TF: variants seen among roughly 807,000 people sequenced by gnomAD.
TF encodes transferrin.
Under a neutral mutation model 82.4 loss-of-function variants are expected in TF, and 55 were observed. The observed-to-expected ratio is 0.67, with a 90% CI of 0.54 to 0.84. TF has a LOEUF of 0.84. TF is among the 40% of genes least tolerant of loss of function. The probability of loss-of-function intolerance (pLI) is 0.00; values close to 1 mark genes in which losing one functional copy is unlikely to be tolerated. For missense variants in TF, 737 were observed against 868.4 expected (o/e 0.85, Z 1.90); for synonymous variants, 332 against 332.6 (o/e 1.00, Z 0.02).
chr3:133,698,081 G>A, the TF span, among the ~76,000 whole-genome samples: 1 of 152,214 alleles, frequency 6.6e-6, no homozygotes, highest in African/African-American at 2.4e-5. Context: ...CCAGCTGGAG[G>A]CCTCTAAACA....
the TF span, chr3:133,699,928 C>T: frequency 2.2e-5 from 4 of 181,902 alleles, no homozygotes; most frequent in Non-Finnish European, 1.1e-5. Context: ...GTTCACATGA[C>T]CCTCTTCCTC....
intron 6 of TF, 128 bp from the exon 7 acceptor site, chr3:133,756,703 T>G: frequency 8.5e-7 from 1 of 1,182,872 alleles, no homozygotes; most frequent in Admixed American, 1.7e-5. Context: ...CTCCCGCATG[T>G]TCTCTGGCCT....
chr3:133,676,327 T>C, the TF span, among the ~76,000 whole-genome samples: 2 of 152,224 alleles, frequency 1.3e-5, no homozygotes, highest in African/African-American at 4.8e-5. Context: ...TAGGCACAGG[T>C]GAGTTACACC....
Position 133,775,628 on chromosome 3 carries a change from G to A in TF, c.1872+11G>A. 6.2e-7 allele frequency: 1 copy of A among 1,613,534 alleles called. No individual in the cohort carries two copies. Among genetic ancestry groups the A allele is most frequent in the Non-Finnish European group, 8.5e-7 (1 of 1,179,912 alleles). ...TTACGTCAACAGCAGGTATGGACCA[G>A]CCAGGTCCTCCCACCTTTTCTTCCT... On this transcript the variant is annotated intron_variant, in intron 15 of 16. Coordinates refer to ENST00000402696, the MANE Select transcript of TF (RefSeq NM_001063.4).
intron 9 of TF, among the ~76,000 whole-genome samples, chr3:133,762,751 G>A (rs1934027853): frequency 6.6e-6 from 1 of 152,118 alleles, no homozygotes; most frequent in African/African-American, 2.4e-5. Flanking sequence ...TCCTGAAACT[G>A]GTCTGGTGAC....
chr3:133,746,069 C>T (rs8177316), upstream of TF: 3 of 411,396 alleles, frequency 7.3e-6, no homozygotes, highest in Non-Finnish European at 1.4e-5. Context: ...GTGGCACGGA[C>T]CAGCTCTGCA....
At chr3:133,705,658 T>C in the TF span, among the ~76,000 whole-genome samples, 3 of 152,216 alleles carry the variant, frequency 2.0e-5, no homozygotes, top group South Asian at 6.2e-4. Context: ...CTATTGAGAT[T>C]GAGAAGCTCC....
At chr3:133,740,306 G>A in the TF span, among the ~76,000 whole-genome samples, 15 of 152,112 alleles carry the variant, frequency 9.9e-5, no homozygotes, top group Non-Finnish European at 2.2e-4. Flanking sequence ...ACACAGGGAG[G>A]GGAACATCAC....
At chr3:133,755,987 C>T (rs1195473976) in intron 5 of TF, among the ~76,000 whole-genome samples, 1 of 152,182 alleles carries the variant, frequency 6.6e-6, no homozygotes, top group Admixed American at 6.5e-5. Flanking sequence ...CATTTTCACC[C>T]TCAGGAGACA....
At chr3:133,736,631 C>CAAAAAAGAAAAAAAGAAAAAAAAA in the TF span, among the ~76,000 whole-genome samples, 1 of 32,552 alleles carries the variant, frequency 3.1e-5, no homozygotes, top group Non-Finnish European at 5.4e-5. Context: ...AATGGAAAGC[C>CAAAAAAGAAAAAAAGAAAAAAAAA]AAAAAAAAAA....
At chr3:133,770,769 T>A (rs1470472258) in intron 14 of TF, 197 bp downstream of exon 14, 2 of 652,002 alleles carry the variant, frequency 3.1e-6, no homozygotes, top group Non-Finnish European at 5.4e-6. Context: ...GGGCCCCCAA[T>A]GGCCCTAAAT....
rs1430275657 is a variant in TF, at chr3:133,779,883, C to G, written c.*1263C>G. The G allele has an allele frequency of 1.3e-5, 2 of 151,966 alleles. No homozygotes were observed. Among genetic ancestry groups the G allele is most frequent in the African/African-American group, 4.9e-5 (2 of 41,204 alleles). The allele number at this position is 151,966 out of a possible 1,614,324, so 9.4% of individuals were successfully genotyped here. A position where few individuals can be genotyped will look rare whatever the true frequency, so the allele number is the denominator to read the frequency against. ...GTTGTTATAGTATATTCCATATCAG[C>G]TGAAGACCTGGTCATCTACCCAATC... On this transcript the variant is annotated 3_prime_UTR_variant, in exon 17 of 17. Coordinates refer to ENST00000402696, the MANE Select transcript of TF (RefSeq NM_001063.4).
At position 133,792,226 on chromosome 3, in the gene TF, G is replaced by A. The variant is rs966298273; in HGVS notation, c.*13606G>A. 2.0e-5 allele frequency: 3 copies of A among 152,132 alleles called. No homozygotes were observed. The highest frequency in any genetic ancestry group is 7.2e-5 in the African/African-American group (3 of 41,436). 9.4% of individuals were successfully genotyped at this position (152,132 alleles called of 1,614,324 possible). A position where few individuals can be genotyped will look rare whatever the true frequency, so the allele number is the denominator to read the frequency against. On this transcript the variant is annotated 3_prime_UTR_variant, in exon 17 of 17. Transcript: ENST00000402696. Reference sequence around the variant, plus strand: ...AAGAAAGGAGATTTTATATAAGAAAGGATCTTATATCGTAAATTCGTGTCC... The same window carrying A: ...AAGAAAGGAGATTTTATATAAGAAAAGATCTTATATCGTAAATTCGTGTCC...
the TF span, among the ~76,000 whole-genome samples, chr3:133,716,833 T>C: frequency 6.6e-6 from 1 of 152,244 alleles, no homozygotes; most frequent in East Asian, 1.9e-4. Flanking sequence ...TCTTTCCCTG[T>C]GCACTCTCTG....
chr3:133,745,697 C>G (rs148999004), upstream of TF, among the ~76,000 whole-genome samples: 5 of 152,286 alleles, frequency 3.3e-5, no homozygotes, highest in Non-Finnish European at 5.9e-5. Context: ...GTTCCTGGAA[C>G]CTTCTTGTTG....
chr3:133,749,471 G>A (rs912393980), intron 2 of TF, among the ~76,000 whole-genome samples: 5 of 152,146 alleles, frequency 3.3e-5, no homozygotes, highest in African/African-American at 1.2e-4. Flanking sequence ...AAAAACACAC[G>A]AATAAGTAAA....
intron 14 of TF, 163 bp from the exon 15 acceptor site, chr3:133,775,270 C>A: frequency 1.4e-6 from 1 of 723,564 alleles, no homozygotes; most frequent in Non-Finnish European, 2.4e-6. Context: ...ACCTTGTAGA[C>A]CACATGGGTG....
chr3:133,697,372 A>G, the TF span, among the ~76,000 whole-genome samples: 3 of 152,232 alleles, frequency 2.0e-5, no homozygotes, highest in East Asian at 3.9e-4. Context: ...GGGGTCATCT[A>G]TGGGTCTCAT....
the TF span, among the ~76,000 whole-genome samples, chr3:133,719,626 A>G: frequency 6.6e-6 from 1 of 151,118 alleles, no homozygotes; most frequent in African/African-American, 2.4e-5. Flanking sequence ...AAATTTTACA[A>G]TTTTTTTTTC....
Sources: gnomAD v4.1 joint callset for allele counts (sites outside exome capture counted in the v4.1 genomes callset) on GRCh38, gnomAD v4.1.1 for gene constraint, MANE v1.5 for transcripts, NCBI Gene and HGNC (gene_info 2026-07-23, HGNC 2026-07-21) for gene names.